MACROD2: variants seen among roughly 807,000 people sequenced by gnomAD.
The protein encoded by MACROD2 is ADP-ribose glycohydrolase MACROD2.
MACROD2 carries 36 observed loss-of-function variants against 70.4 expected under a neutral mutation model. The observed-to-expected ratio is 0.51, with a 90% CI of 0.39 to 0.68. The LOEUF (loss-of-function observed/expected upper bound fraction) is 0.68. Ranked by LOEUF, MACROD2 falls within the 30% of genes least tolerant of loss-of-function variation. MACROD2 has a pLI of 0.00. For missense variants in MACROD2, 496 were observed against 538.4 expected (o/e 0.92, Z 0.78); for synonymous variants, 172 against 178.8 (o/e 0.96, Z 0.30).
intron 8 of MACROD2, among the ~76,000 whole-genome samples, chr20:15,595,060 T>C (rs183188241): frequency 3.4e-4 from 52 of 152,368 alleles, no homozygotes; most frequent in Non-Finnish European, 6.2e-4. Flanking sequence ...CAGTTCTTAC[T>C]CTGCACTGTA....
intron 6 of MACROD2, among the ~76,000 whole-genome samples, chr20:15,394,991 T>C (rs1054426048): frequency 1.3e-5 from 2 of 152,232 alleles, no homozygotes; most frequent in Non-Finnish European, 2.9e-5. Flanking sequence ...GTCTTCAAAA[T>C]GCTGCCTGTC....
intron 4 of MACROD2, among the ~76,000 whole-genome samples, chr20:14,552,641 A>G (rs1419100705): frequency 6.6e-6 from 1 of 152,082 alleles, no homozygotes; most frequent in Non-Finnish European, 1.5e-5. Flanking sequence ...ATAGCCTACT[A>G]TGTACCTAGG....
intron 3 of MACROD2, among the ~76,000 whole-genome samples, chr20:14,329,583 G>A (rs1454590760): frequency 2.0e-5 from 3 of 151,908 alleles, no homozygotes; most frequent in African/African-American, 4.8e-5. Context: ...AAACACCATG[G>A]CTTTCAAATT....
At chr20:14,981,432 G>GTATATATATATATATA (rs747438726) in intron 5 of MACROD2, among the ~76,000 whole-genome samples, 8 of 141,466 alleles carry the variant, frequency 5.7e-5, no homozygotes, top group African/African-American at 2.1e-4. Flanking sequence ...ATATGTATAT[G>GTATATATATATATATA]TATATATATA....
At chr20:14,707,798 T>C (rs1180974497) in intron 5 of MACROD2, among the ~76,000 whole-genome samples, 1 of 152,224 alleles carries the variant, frequency 6.6e-6, no homozygotes, top group Non-Finnish European at 1.5e-5. Flanking sequence ...TATCACTTTA[T>C]TTTAGTAGTT....
At chr20:15,253,657 G>T (rs1034332231) in intron 6 of MACROD2, among the ~76,000 whole-genome samples, 1 of 152,094 alleles carries the variant, frequency 6.6e-6, no homozygotes, top group East Asian at 1.9e-4. Flanking sequence ...CATTCCTTCC[G>T]CTGGGGCAAG....
intron 3 of MACROD2, among the ~76,000 whole-genome samples, chr20:14,367,194 A>G (rs1438387540): frequency 6.6e-6 from 1 of 152,176 alleles, no homozygotes; most frequent in Non-Finnish European, 1.5e-5. Flanking sequence ...TTCTCTCCTC[A>G]TGTTAATGTT....
intron 6 of MACROD2, among the ~76,000 whole-genome samples, chr20:15,363,186 T>C (rs1185572720): frequency 6.6e-6 from 1 of 152,222 alleles, no homozygotes; most frequent in Non-Finnish European, 1.5e-5. Context: ...CCCTTGAGAA[T>C]TCCCACAGGA....
intron 8 of MACROD2, among the ~76,000 whole-genome samples, chr20:15,635,473 A>G (rs1026364120): frequency 2.6e-5 from 4 of 152,222 alleles, no homozygotes; most frequent in Non-Finnish European, 5.9e-5. Context: ...TATTCTAGGC[A>G]AATTAGAACA....
At chr20:15,820,340 A>T (rs1188069986) in intron 8 of MACROD2, among the ~76,000 whole-genome samples, 7 of 152,000 alleles carry the variant, frequency 4.6e-5, no homozygotes, top group Admixed American at 4.6e-4. Context: ...ACAGGAGCAC[A>T]CCACCACACC....
At chr20:14,701,615 G>C (rs765038161) in intron 5 of MACROD2, among the ~76,000 whole-genome samples, 5 of 152,136 alleles carry the variant, frequency 3.3e-5, no homozygotes, top group African/African-American at 4.8e-5. Flanking sequence ...CTTTGCTGCT[G>C]CAATTCATTA....
intron 4 of MACROD2, among the ~76,000 whole-genome samples, chr20:14,615,487 C>A (rs1055339295): frequency 4.6e-5 from 7 of 151,920 alleles, no homozygotes; most frequent in Admixed American, 1.3e-4. Context: ...CAAATGGATG[C>A]CATTACAATT....
intron 4 of MACROD2, among the ~76,000 whole-genome samples, chr20:14,502,061 C>G (rs2423787): frequency 0.18 from 27,623 of 152,058 alleles, 2,803 homozygotes; most frequent in South Asian, 0.36. Context: ...TCTCTCATCC[C>G]CAAAGAATCT....
chr20:15,294,288 T>G (rs918697225), intron 6 of MACROD2, among the ~76,000 whole-genome samples: 2 of 152,246 alleles, frequency 1.3e-5, no homozygotes, highest in East Asian at 3.9e-4. Flanking sequence ...CTTTCCCACC[T>G]TTTCCTATGT....
In MACROD2 at chr20:15,702,680, C is replaced by A. The variant is rs79591134; in HGVS notation, c.646-160065C>A. Among the ~76,000 whole-genome samples, 2,028 of 152,140 alleles carry A rather than the reference C, an allele frequency of 0.013. 144 individuals are homozygous for A. The East Asian group carries it at 0.19, about 15-fold the overall frequency. ...AGAGGCTTTTTAGTTTAATTAGATC[C>A]CACTTGTCAGTTTTTACTGTTGCTA... On this transcript the variant is annotated intron_variant, in intron 8 of 17. Coordinates refer to ENST00000684519, the MANE Select transcript of MACROD2 (RefSeq NM_001351661.2).
intron 15 of MACROD2, among the ~76,000 whole-genome samples, chr20:16,030,210 G>A (rs77005051): frequency 0.011 from 1,643 of 152,336 alleles, 13 homozygotes; most frequent in Middle Eastern, 0.048. Context: ...CACTATGGAA[G>A]TCCAAGATGG....
intron 5 of MACROD2, chr20:14,849,839 G>A (rs2073180158): frequency 2.5e-6 from 1 of 399,710 alleles, no homozygotes; most frequent in Admixed American, 3.2e-5. Flanking sequence ...GCAGACTGTA[G>A]CAGATAAATG....
At chr20:15,551,167 C>A (rs2048090629) in intron 8 of MACROD2, among the ~76,000 whole-genome samples, 1 of 151,952 alleles carries the variant, frequency 6.6e-6, no homozygotes, top group South Asian at 2.1e-4. Flanking sequence ...AACAGATCGC[C>A]CTGTTTTCAG....
intron 8 of MACROD2, among the ~76,000 whole-genome samples, chr20:15,839,512 A>G (rs1210051322): frequency 6.6e-6 from 1 of 152,146 alleles, no homozygotes; most frequent in Non-Finnish European, 1.5e-5. Context: ...CCATGAGACT[A>G]TTGACTTGAT....
Sources: gnomAD v4.1 joint callset for allele counts (sites outside exome capture counted in the v4.1 genomes callset) on GRCh38, gnomAD v4.1.1 for gene constraint, MANE v1.5 for transcripts, NCBI Gene and HGNC (gene_info 2026-07-23, HGNC 2026-07-21) for gene names.